Variants in AHNAK2 observed in about 807,000 individuals in gnomAD.
AHNAK2 encodes the protein AHNAK nucleoprotein 2, also known as protein AHNAK2.
In AHNAK2, 18 loss-of-function variants were observed where a neutral mutation model predicts 30.7. That is an observed-to-expected ratio of 0.59 (90% CI 0.41 to 0.87). The LOEUF is 0.87. Among genes scored for constraint, AHNAK2 ranks in the 40% least tolerant of loss-of-function variants. The pLI is 0.00. For synonymous variants in AHNAK2, 3,590 were observed against 3,073.8 expected (o/e 1.17, Z -5.56); for missense variants, 8,604 against 7,373.0 (o/e 1.17, Z -6.11).
rs375676299 is a variant in AHNAK2, at chr14:104,943,248, C to A, written c.12203G>T (p.Gly4068Val). The change falls in exon 7 of 7, where the codon GGC (glycine) becomes GTC (valine). Residue 4068 changes from glycine to valine, a missense_variant. Transcript: ENST00000333244. Reference protein sequence around the residue: ...SFKMPKVDLKGPQIDVKGPKL... With the variant: ...SFKMPKVDLKVPQIDVKGPKL... Reference sequence around the variant, plus strand: ...GGGGCCCTTAACATCTATCTGGGGGCCCTTGAGGTCCACTTTGGGCATCTT... The same window carrying A: ...GGGGCCCTTAACATCTATCTGGGGGACCTTGAGGTCCACTTTGGGCATCTT... 7.3e-5 allele frequency: 118 copies of A among 1,612,826 alleles called. No individual in the cohort carries two copies. The Middle Eastern group carries it at 1.5e-3, about 20-fold the overall frequency.
chr14:104,950,573 C>G lies in AHNAK2; in HGVS notation c.4878G>C (p.Val1626=), dbSNP rs1898632040. The G allele has an allele frequency of 1.3e-6, 2 of 1,587,238 alleles. 1 individual carries two copies. The highest frequency in any genetic ancestry group is 3.5e-5 in the Admixed American group (2 of 57,502). Residue 1626 remains valine, a synonymous_variant, in exon 7 of 7, where the codon GTG becomes GTC. Transcript: ENST00000333244. ...DVKMSLSSME[V]DVQAPRAKLD... ...GCTTTGCTCTCGGGGCCTGGACGTC[C>G]ACCTCCATGCTGGACAGAGACATCT...
rs539865809 is a variant in AHNAK2 at position 104,941,596 on chromosome 14, C to T, written c.13855G>A (p.Glu4619Lys). The change falls in exon 7 of 7, where the codon GAG (glutamate) becomes AAG (lysine). Residue 4619 changes from glutamate (E) to lysine (K), a missense_variant. Transcript: ENST00000333244. Reference sequence around the variant, plus strand: ...TTACTGTCTTTCCCAGCTACATCCTCGTGGGCCAGGGACAGGTCCCCCTCA... The same window carrying T: ...TTACTGTCTTTCCCAGCTACATCCTTGTGGGCCAGGGACAGGTCCCCCTCA... ...RLEGDLSLAH[E>K]DVAGKDSKFQ... 2.4e-4 allele frequency: 387 copies of T among 1,613,332 alleles called. No individual in the cohort carries two copies. The Middle Eastern group carries it at 3.3e-3, about 14-fold the overall frequency.
chr14:104,959,107 C>A (rs998881412), intron 1 of AHNAK2, among the ~76,000 whole-genome samples: 1 of 152,024 alleles, frequency 6.6e-6, no homozygotes, highest in African/African-American at 2.4e-5. Flanking sequence ...GGCTGAAGTG[C>A]GAGGATTGCT....
At chr14:104,955,419 C>A in intron 5 of AHNAK2, 64 bp downstream of exon 5, 1 of 1,541,438 alleles carries the variant, frequency 6.5e-7, no homozygotes, top group South Asian at 1.3e-5. Flanking sequence ...TCAATACCCC[C>A]CTCCAGGTCC....
At chr14:104,955,411 A>G (rs1898941279) in intron 5 of AHNAK2, 72 bp downstream of exon 5, 1 of 1,533,896 alleles carries the variant, frequency 6.5e-7, no homozygotes, top group African/African-American at 1.4e-5. Flanking sequence ...CTTACCCCTC[A>G]ATACCCCCCT....
rs535631370 is a variant in AHNAK2 at position 104,942,446 on chromosome 14, G to T, written c.13005C>A (p.Pro4335=). The change falls in exon 7 of 7, where the codon CCC becomes CCA. Residue 4335 remains proline (P), a synonymous_variant. Coordinates refer to ENST00000333244, the MANE Select transcript of AHNAK2 (RefSeq NM_138420.4). ...ALKVEADVSL[P]SMQGDLKTTH... ...TGGTCTTCAGGTCCCCCTGCATGGA[G>T]GGGAGGCTCACGTCAGCCTCCACCT... is the stretch of plus-strand genomic sequence containing the variant. The T allele has an allele frequency of 1.2e-6, 2 of 1,613,092 alleles. No individual in the cohort carries two copies. The highest frequency in any genetic ancestry group is 3.3e-5 in the Admixed American group (2 of 59,950).
At position 104,944,620 on chromosome 14, in the gene AHNAK2, G is replaced by A. The variant is rs759082762; in HGVS notation, c.10831C>T (p.Pro3611Ser). ...CGCCCAGCATCCAGCTTGGCCTTCG[G>A]GGCCTGGACATCCACCTCCACGCTG... ...LPSVEVDVQA[P>S]KAKLDAGRLE... Residue 3611 changes from proline (P) to serine (S), a missense_variant, in exon 7 of 7, where the codon CCG becomes TCG. By Grantham distance (74) the Pro-to-Ser change is moderately conservative. Transcript: ENST00000333244. The A allele has an allele frequency of 1.9e-6, 3 of 1,613,094 alleles. No homozygotes were observed. The South Asian group carries it at 3.3e-5, about 18-fold the overall frequency.
intron 1 of AHNAK2, among the ~76,000 whole-genome samples, chr14:104,959,127 A>G (rs1165398333): frequency 6.6e-6 from 1 of 152,176 alleles, no homozygotes; most frequent in Non-Finnish European, 1.5e-5. Flanking sequence ...TTGAGCCCAG[A>G]AACTCAAGGC....
rs768910665 is a variant in AHNAK2, at chr14:104,948,379, G to T, written c.7072C>A (p.Gln2358Lys). The T allele has an allele frequency of 2.5e-6, 4 of 1,612,658 alleles. No individual in the cohort carries two copies. Among genetic ancestry groups the T allele is most frequent in the Middle Eastern group, 1.7e-4 (1 of 6,048 alleles). ...VEADVSLPSMQGDLKTTDLSV... is the reference protein window; with the variant it reads ...VEADVSLPSMKGDLKTTDLSV... ...AGGTCAGTGGTCTTGAGGTCCCCCT[G>T]CATGGAGGGGAGGCTCACGTCGGCC... The change falls in exon 7 of 7, where the codon CAG becomes AAG. Residue 2358 changes from glutamine (Q) to lysine (K), a missense_variant. Coordinates refer to ENST00000333244, the MANE Select transcript of AHNAK2 (RefSeq NM_138420.4).
Position 104,946,834 on chromosome 14 carries a change from G to T in AHNAK2, c.8617C>A (p.Gln2873Lys), listed in dbSNP as rs1159624834. 9 of 1,612,718 alleles carry T rather than the reference G, an allele frequency of 5.6e-6. No homozygotes were observed. Among genetic ancestry groups the T allele is most frequent in the Non-Finnish European group, 7.6e-6 (9 of 1,179,654 alleles). ...AGTTTCACGTCCACCTGGCCAGCCT[G>T]GACCTCCAGTTGGGCGGAGGGGGGC... ...IQPPSAQLEV[Q>K]AGQVDVKLPE... The change falls in exon 7 of 7, where the codon CAG (glutamine) becomes AAG (lysine). Residue 2873 changes from glutamine to lysine, a missense_variant. Gln to Lys is a moderately conservative substitution (Grantham distance 53, BLOSUM62 1). Transcript: ENST00000333244.
chr14:104,975,342 G>A (rs929743500), intron 1 of AHNAK2, among the ~76,000 whole-genome samples: 12 of 152,302 alleles, frequency 7.9e-5, no homozygotes, highest in Admixed American at 5.9e-4. Flanking sequence ...AGGCCAGCAG[G>A]CAGCCCAGCC....
chr14:104,941,305 T>C lies in AHNAK2; in HGVS notation c.14146A>G (p.Thr4716Ala). 6.2e-7 allele frequency: 1 copy of C among 1,613,226 alleles called. No individual in the cohort carries two copies. The highest frequency in any genetic ancestry group is 8.5e-7 in the Non-Finnish European group (1 of 1,179,728). Residue 4716 changes from threonine (T) to alanine (A), a missense_variant, in exon 7 of 7, where the codon ACT becomes GCT. Coordinates refer to ENST00000333244, the MANE Select transcript of AHNAK2 (RefSeq NM_138420.4). ...CCTGGGACTAAACTATCTTTAGGAG[T>C]TTTGGTAGAAGAAAATGAAACTTTG... ...VPKVSFSSTKTPKDSLVPGAK... is the reference protein window; with the variant it reads ...VPKVSFSSTKAPKDSLVPGAK...
chr14:104,945,648 T>C lies in AHNAK2; in HGVS notation c.9803A>G (p.Glu3268Gly). Residue 3268 changes from glutamate to glycine, a missense_variant, in exon 7 of 7, where the codon GAG becomes GGG. Glu to Gly is a moderately conservative substitution (Grantham distance 98). Coordinates refer to ENST00000333244, the MANE Select transcript of AHNAK2 (RefSeq NM_138420.4). ...PKMDVTAPDV[E>G]VSQPSMEVDV... ...CACCTCCATGCTGGGCTGAGACACCTCCACGTCGGGGGCCGTCACATCCAT... is the reference window on the plus strand; with the variant it reads ...CACCTCCATGCTGGGCTGAGACACCCCCACGTCGGGGGCCGTCACATCCAT... 2 of 1,577,278 alleles carry C rather than the reference T, an allele frequency of 1.3e-6. No individual in the cohort carries two copies. Among genetic ancestry groups the C allele is most frequent in the Middle Eastern group, 1.7e-4 (1 of 5,740 alleles).
Position 104,949,240 on chromosome 14 carries a change from G to C in AHNAK2, c.6211C>G (p.Leu2071Val). Residue 2071 changes from leucine (L) to valine (V), a missense_variant, in exon 7 of 7, where the codon CTG (leucine) becomes GTG (valine). Physicochemically the swap from Leu to Val is conservative, Grantham distance 32. Transcript: ENST00000333244. ...AAACTGGGCATCTCCACCTTGGGCA[G>C]GTGCCCTTTGAGGCCAGCTCCCTCG... ...VPEGAGLKGH[L>V]PKVEMPSLKM... is the part of the protein sequence containing the mutation. The C allele has an allele frequency of 9.6e-7, 1 of 1,039,952 alleles. No individual in the cohort carries two copies. The highest frequency in any genetic ancestry group is 1.4e-6 in the Non-Finnish European group (1 of 723,434). The allele number at this position is 1,039,952 out of a possible 1,614,324, so 64.4% of individuals were successfully genotyped here.
In AHNAK2 at chr14:104,948,561, C is replaced by A; in HGVS notation, c.6890G>T (p.Gly2297Val). The change falls in exon 7 of 7, where the codon GGT (glycine) becomes GTT (valine). Residue 2297 changes from glycine (G) to valine (V), a missense_variant. Coordinates refer to ENST00000333244, the MANE Select transcript of AHNAK2 (RefSeq NM_138420.4). The part of the protein sequence containing the change: ...DVKAPGAKLD[G>V]ARLEGDMSLA... ...GGACATGTCCCCCTCCAGCCGCGCA[C>A]CATCCAGCTTGGCTCCTGGGGCCTT... The A allele has an allele frequency of 6.2e-7, 1 of 1,612,640 alleles. No homozygotes were observed. The highest frequency in any genetic ancestry group is 8.5e-7 in the Non-Finnish European group (1 of 1,179,754).
chr14:104,947,370 G>A lies in AHNAK2; in HGVS notation c.8081C>T (p.Thr2694Ile), dbSNP rs1385802168. ...AGAGGGGGGCTGAATGCTGATGTCA[G>A]TGGTCTTAAGGTCCCCTTGCATGGA... ...LPSMQGDLKT[T>I]DISIQPPSAQ... Residue 2694 changes from threonine to isoleucine, a missense_variant, in exon 7 of 7, where the codon ACT becomes ATT. Thr to Ile is a moderately conservative substitution (Grantham distance 89, BLOSUM62 -1). Coordinates refer to ENST00000333244, the MANE Select transcript of AHNAK2 (RefSeq NM_138420.4). 1 of 1,612,586 alleles carries A rather than the reference G, an allele frequency of 6.2e-7. No individual in the cohort carries two copies. Among genetic ancestry groups the A allele is most frequent in the South Asian group, 1.1e-5 (1 of 91,042 alleles).
chr14:104,957,635 T>G lies in AHNAK2; in HGVS notation c.93A>C (p.Ala31=). 1 of 1,611,290 alleles carries G rather than the reference T, an allele frequency of 6.2e-7. No individual in the cohort carries two copies. Among genetic ancestry groups the G allele is most frequent in the South Asian group, 1.1e-5 (1 of 90,606 alleles). The change falls in exon 2 of 7, where the codon GCA becomes GCC. Residue 31 remains alanine (A), a synonymous_variant. Coordinates refer to ENST00000333244, the MANE Select transcript of AHNAK2 (RefSeq NM_138420.4). ...TTACAGAGTGGTCATCTTCCGTTTC[T>G]GCACCTGGCTCCCCGGGCTGCAGCT... ...GRQLQPGEPG[A]ETEDDHSVTE... is the part of the protein sequence containing the mutation.
Position 104,946,860 on chromosome 14 carries a change from T to C in AHNAK2, c.8591A>G (p.Gln2864Arg). Residue 2864 changes from glutamine to arginine, a missense_variant, in exon 7 of 7, where the codon CAG (glutamine) becomes CGG (arginine). Transcript: ENST00000333244. ...GDLKTTDIRI[Q>R]PPSAQLEVQA... is the part of the protein sequence containing the mutation. The stretch of plus-strand genomic sequence containing the variant: ...GACCTCCAGTTGGGCGGAGGGGGGC[T>C]GAATGCGGATGTCAGTGGTCTTAAG... The C allele has an allele frequency of 1.9e-6, 3 of 1,612,494 alleles. No individual in the cohort carries two copies. The highest frequency in any genetic ancestry group is 2.5e-6 in the Non-Finnish European group (3 of 1,179,644).
Position 104,951,664 on chromosome 14 carries a change from C to T in AHNAK2, c.3787G>A (p.Gly1263Ser), listed in dbSNP as rs144445270. 6,154 of 1,246,698 alleles carry T rather than the reference C, an allele frequency of 4.9e-3. 1,954 individuals are homozygous for T. Among genetic ancestry groups the T allele is most frequent in the South Asian group, 0.026 (1,790 of 70,012 alleles). The allele number at this position is 1,246,698 out of a possible 1,614,324, so 77.2% of individuals were successfully genotyped here. A position where few individuals can be genotyped will look rare whatever the true frequency, so the allele number is the denominator to read the frequency against. ...SLKMPKVDLK[G>S]PQVEVRGPKL... ...GGGCCCCTGACTTCCACCTGGGGGC[C>T]CTTGAGGTCCACTTTGGGCATCTTC... The change falls in exon 7 of 7, where the codon GGC becomes AGC. Residue 1263 changes from glycine (G) to serine (S), a missense_variant. Physicochemically the swap from Gly to Ser is moderately conservative, Grantham distance 56. Transcript: ENST00000333244.
Sources: allele counts gnomAD v4.1 joint callset (sites outside exome capture counted in the v4.1 genomes callset), GRCh38; gene constraint gnomAD v4.1.1; transcripts MANE v1.5; gene names NCBI Gene and HGNC (gene_info 2026-07-23, HGNC 2026-07-21).